SUGCT: variants seen among roughly 807,000 people sequenced by gnomAD.
SUGCT encodes succinyl-CoA:glutarate CoA-transferase.
In SUGCT, 41 loss-of-function variants were observed where a neutral mutation model predicts 55.0. That is an observed-to-expected ratio of 0.74 (90% CI 0.58 to 0.97). SUGCT has a LOEUF of 0.97. Among genes scored for constraint, SUGCT ranks in the 50% least tolerant of loss-of-function variants. SUGCT has a pLI of 0.00. For missense variants in SUGCT, 568 were observed against 547.8 expected, an observed-to-expected ratio of 1.04 and a Z score of -0.37; for synonymous variants, 187 against 200.4, an observed-to-expected ratio of 0.93 and a Z score of 0.56.
At chr7:40,776,837 G>T (rs1789477137) in intron 13 of SUGCT, among the ~76,000 whole-genome samples, 1 of 152,168 alleles carries the variant, frequency 6.6e-6, no homozygotes, top group South Asian at 2.1e-4. Flanking sequence ...AGTGCACTTG[G>T]CTTTGGAGAA....
intron 7 of SUGCT, among the ~76,000 whole-genome samples, chr7:40,267,493 T>C (rs530241270): frequency 6.6e-6 from 1 of 152,332 alleles, no homozygotes; most frequent in East Asian, 1.9e-4. Flanking sequence ...GGTTTGTGAA[T>C]TACCCATTTT....
At chr7:40,955,448 G>A in the SUGCT span, among the ~76,000 whole-genome samples, 1 of 152,178 alleles carries the variant, frequency 6.6e-6, no homozygotes, top group African/African-American at 2.4e-5. Flanking sequence ...TGTTGTTGGT[G>A]TATAGGAATG....
At chr7:40,766,987 T>G (rs946653524) in intron 13 of SUGCT, among the ~76,000 whole-genome samples, 1 of 152,174 alleles carries the variant, frequency 6.6e-6, no homozygotes, top group Non-Finnish European at 1.5e-5. Flanking sequence ...AGGCCTTATA[T>G]TGATGATGAT....
the SUGCT span, among the ~76,000 whole-genome samples, chr7:40,901,708 G>A: frequency 2.0e-5 from 3 of 152,162 alleles, no homozygotes; most frequent in Non-Finnish European, 4.4e-5. Flanking sequence ...GAATTGAGAA[G>A]TAAGCACAAA....
chr7:40,576,558 C>T (rs1210361470), intron 12 of SUGCT, among the ~76,000 whole-genome samples: 1 of 152,192 alleles, frequency 6.6e-6, no homozygotes, highest in Non-Finnish European at 1.5e-5. Flanking sequence ...AAAGTTAGTA[C>T]AAGGGCATAG....
chr7:40,468,338 TTTTTA>T (rs1351189994), intron 11 of SUGCT, among the ~76,000 whole-genome samples: 1 of 152,252 alleles, frequency 6.6e-6, no homozygotes, highest in African/African-American at 2.4e-5. Context: ...ATTTCCTTAT[TTTTTA>T]TTTTCTCATG....
chr7:41,037,867 C>T, the SUGCT span, among the ~76,000 whole-genome samples: 4 of 151,806 alleles, frequency 2.6e-5, no homozygotes, highest in East Asian at 1.9e-4. Flanking sequence ...TTGGCAGGTC[C>T]GATGTTGGAA....
At chr7:40,140,131 C>T (rs184191405) in intron 1 of SUGCT, among the ~76,000 whole-genome samples, 58 of 152,034 alleles carry the variant, frequency 3.8e-4, no homozygotes, top group African/African-American at 1.4e-3. Context: ...CTCAAACTCT[C>T]GACCTCAGTT....
At chr7:40,605,373 A>G (rs1798472840) in intron 12 of SUGCT, among the ~76,000 whole-genome samples, 2 of 152,176 alleles carry the variant, frequency 1.3e-5, no homozygotes, top group Admixed American at 6.5e-5. Context: ...AGAATTACCT[A>G]GTAACTCACT....
At chr7:40,345,878 T>C (rs1394563991) in intron 9 of SUGCT, among the ~76,000 whole-genome samples, 1 of 152,106 alleles carries the variant, frequency 6.6e-6, no homozygotes, top group Non-Finnish European at 1.5e-5. Context: ...TCATTTTATA[T>C]AGGACTTTTA....
chr7:40,623,964 A>T (rs1466868808), intron 12 of SUGCT, among the ~76,000 whole-genome samples: 3 of 152,122 alleles, frequency 2.0e-5, no homozygotes, highest in Non-Finnish European at 2.9e-5. Context: ...TGTTAATGTT[A>T]ATTAAGGGTT....
At chr7:40,362,663 TA>T (rs2151226108) in intron 9 of SUGCT, among the ~76,000 whole-genome samples, 1 of 152,260 alleles carries the variant, frequency 6.6e-6, no homozygotes, top group South Asian at 2.1e-4. Context: ...AGTGGAAGCA[TA>T]AGTTTGGAAA....
rs181170675 is a variant in SUGCT, at chr7:40,738,661, A to T, written c.1090-10773A>T. Among the ~76,000 whole-genome samples the T allele has an allele frequency of 3.9e-5, 6 of 152,334 alleles. No individual in the cohort carries two copies. In the East Asian group the frequency reaches 1.2e-3, roughly 29 times the overall value. On this transcript the variant is annotated intron_variant, in intron 12 of 13. Transcript: ENST00000335693. Reference sequence around the variant, plus strand: ...AAACAGATAATTATTCTAAAATTGTACAAGTAACAAACAATTTTAAGACAA... The same window carrying T: ...AAACAGATAATTATTCTAAAATTGTTCAAGTAACAAACAATTTTAAGACAA...
At chr7:40,266,524 T>C (rs538150088) in intron 7 of SUGCT, among the ~76,000 whole-genome samples, 473 of 152,250 alleles carry the variant, frequency 3.1e-3, no homozygotes, top group Non-Finnish European at 4.6e-3. Flanking sequence ...TTTCCTTTAA[T>C]GTTAACATTT....
intron 12 of SUGCT, among the ~76,000 whole-genome samples, chr7:40,609,918 G>A (rs1002715502): frequency 2.0e-5 from 3 of 152,156 alleles, no homozygotes; most frequent in Admixed American, 6.5e-5. Flanking sequence ...ATGGAGTAGA[G>A]CAATGTAAGT....
chr7:40,340,115 T>C (rs1189844692), intron 9 of SUGCT, among the ~76,000 whole-genome samples: 3 of 152,188 alleles, frequency 2.0e-5, no homozygotes, highest in African/African-American at 7.2e-5. Context: ...ATAGTGAAAT[T>C]ACATTGGGAA....
At chr7:40,908,724 A>G in the SUGCT span, among the ~76,000 whole-genome samples, 1 of 152,190 alleles carries the variant, frequency 6.6e-6, no homozygotes, top group Admixed American at 6.5e-5. Flanking sequence ...GTAATATTGA[A>G]TCAGGGAATT....
intron 8 of SUGCT, among the ~76,000 whole-genome samples, chr7:40,312,874 C>T (rs1158770314): frequency 6.6e-6 from 1 of 152,038 alleles, no homozygotes; most frequent in Non-Finnish European, 1.5e-5. Context: ...ATGCAGTGAA[C>T]CATGGTTCTA....
chr7:40,990,959 T>C, the SUGCT span, among the ~76,000 whole-genome samples: 3 of 152,236 alleles, frequency 2.0e-5, no homozygotes, highest in Non-Finnish European at 4.4e-5. Flanking sequence ...AGGCCACTCA[T>C]ACTTTCTCCA....
Sources: allele counts gnomAD v4.1 joint callset (sites outside exome capture counted in the v4.1 genomes callset), GRCh38; gene constraint gnomAD v4.1.1; transcripts MANE v1.5; gene names NCBI Gene and HGNC (gene_info 2026-07-23, HGNC 2026-07-21).